TOX2: variants seen among roughly 807,000 people sequenced by gnomAD.
TOX2 encodes granulosa cell HMG box 1.
TOX2 carries 15 observed loss-of-function variants against 47.4 expected under a neutral mutation model. That is an observed-to-expected ratio of 0.32 (90% CI 0.21 to 0.49). TOX2 has a LOEUF of 0.49. TOX2 is among the 20% of genes least tolerant of loss of function. The pLI is 0.99. For synonymous variants in TOX2, 290 were observed against 296.6 expected, an observed-to-expected ratio of 0.98 and a Z score of 0.23; for missense variants, 622 against 673.1, an observed-to-expected ratio of 0.92 and a Z score of 0.84.
chr20:43,929,967 C>T (rs998396260), intron 1 of TOX2, among the ~76,000 whole-genome samples: 8 of 152,316 alleles, frequency 5.3e-5, no homozygotes, highest in South Asian at 2.1e-4. Flanking sequence ...CTCGGCCTCC[C>T]GAAGCGCTGG....
At chr20:43,952,674 TAGTGTCCTATGTGCCAGG>T (rs1250683210) in intron 1 of TOX2, among the ~76,000 whole-genome samples, 1 of 152,166 alleles carries the variant, frequency 6.6e-6, no homozygotes, top group African/African-American at 2.4e-5. Flanking sequence ...GCCTGAGGTG[TAGTGTCCTATGTGCCAGG>T]AAGGAGAGGA....
At chr20:43,980,384 G>A (rs1309451458) in intron 2 of TOX2, among the ~76,000 whole-genome samples, 3 of 152,158 alleles carry the variant, frequency 2.0e-5, no homozygotes, top group Non-Finnish European at 4.4e-5. Flanking sequence ...GAAGGGTAGT[G>A]GGGCAGAGGG....
At chr20:44,057,402 G>C (rs185707282) in intron 5 of TOX2, among the ~76,000 whole-genome samples, 2 of 152,274 alleles carry the variant, frequency 1.3e-5, no homozygotes, top group African/African-American at 4.8e-5. Flanking sequence ...GCTTGTGTCA[G>C]TTTTTGAAAT....
At chr20:43,994,906 T>C (rs528487061) in intron 2 of TOX2, among the ~76,000 whole-genome samples, 7 of 152,252 alleles carry the variant, frequency 4.6e-5, no homozygotes, top group African/African-American at 1.7e-4. Flanking sequence ...AGAGCAGCCG[T>C]GGCTGGCAGC....
Position 44,044,652 on chromosome 20 carries a change from A to C in TOX2, c.412-6654A>C, listed in dbSNP as rs545224728. On this transcript the variant is annotated intron_variant, in intron 3 of 8. Transcript: ENST00000341197. ...AGTGGCGTGGATGTGTAGAAACCGCAACCGGAACCCTTGTGTGTTGCTGGT... is the reference window on the plus strand; with the variant it reads ...AGTGGCGTGGATGTGTAGAAACCGCCACCGGAACCCTTGTGTGTTGCTGGT... 1.8e-4 allele frequency among the ~76,000 whole-genome samples: 27 copies of C among 152,328 alleles called. No individual in the cohort carries two copies. The South Asian group carries it at 5.0e-3, about 28-fold the overall frequency.
intron 1 of TOX2, chr20:43,955,397 C>A: frequency 1.4e-6 from 1 of 739,934 alleles, no homozygotes; most frequent in Non-Finnish European, 1.7e-6. Flanking sequence ...CAGCCAGTGT[C>A]TTCTTAGCCA....
intron 1 of TOX2, among the ~76,000 whole-genome samples, chr20:43,938,939 C>T (rs1214730466): frequency 6.6e-6 from 1 of 152,200 alleles, no homozygotes. Context: ...TTGTGCAGCT[C>T]TGGCAGGAGT....
chr20:43,923,218 G>A (rs540482640), intron 1 of TOX2, among the ~76,000 whole-genome samples: 1 of 152,180 alleles, frequency 6.6e-6, no homozygotes, highest in Non-Finnish European at 1.5e-5. Flanking sequence ...AGCCTGTGGG[G>A]CTTTAAGTAG....
chr20:44,053,433 G>GAGATATAT, intron 4 of TOX2, among the ~76,000 whole-genome samples: 1 of 98,162 alleles, frequency 1.0e-5, no homozygotes, highest in African/African-American at 3.2e-5. Flanking sequence ...TGGGAGGGCA[G>GAGATATAT]ATATATACAC....
rs965039406 is a variant in TOX2 at position 44,066,291 on chromosome 20, G to C, written c.1356+184G>C. ...TCGCACACCTTACCTGAGATGTGCTGGCTGCAGTGAACAGTTCACGAGTTG... is the reference window on the plus strand; with the variant it reads ...TCGCACACCTTACCTGAGATGTGCTCGCTGCAGTGAACAGTTCACGAGTTG... On this transcript the variant is annotated intron_variant, in intron 7 of 8. Transcript: ENST00000341197. 5.3e-5 allele frequency among the ~76,000 whole-genome samples: 8 copies of C among 152,154 alleles called. No homozygotes were observed. The South Asian group carries it at 1.2e-3, about 24-fold the overall frequency.
chr20:43,944,661 G>A (rs1447567292), intron 1 of TOX2, among the ~76,000 whole-genome samples: 2 of 152,228 alleles, frequency 1.3e-5, no homozygotes, highest in Non-Finnish European at 2.9e-5. Flanking sequence ...TGTTACAAGT[G>A]TTCAGGAATA....
chr20:44,051,811 G>A (rs1030304211), intron 4 of TOX2, among the ~76,000 whole-genome samples: 2 of 152,232 alleles, frequency 1.3e-5, no homozygotes, highest in Admixed American at 6.5e-5. Flanking sequence ...ACCTGGTCAG[G>A]GGGGATGGCA....
At chr20:43,934,082 TG>T (rs767262717) in intron 1 of TOX2, among the ~76,000 whole-genome samples, 3 of 96,220 alleles carry the variant, frequency 3.1e-5, no homozygotes, top group African/African-American at 8.1e-5. Context: ...AGGGTGGGGA[TG>T]GGGGGAGGGT....
Position 43,920,311 on chromosome 20 carries a change from T to C in TOX2, c.99+5321T>C, listed in dbSNP as rs79179330. 7.2e-3 allele frequency among the ~76,000 whole-genome samples: 1,104 copies of C among 152,336 alleles called. 13 individuals are homozygous for C. Among genetic ancestry groups the C allele is most frequent in the African/African-American group, 0.025 (1,053 of 41,586 alleles). On this transcript the variant is annotated intron_variant, in intron 1 of 8. Transcript: ENST00000341197. ...TTGGTTAATGAATGATTGAGGACTC[T>C]TTTTGACAAAAATTCATGAAGTGGG...
intron 3 of TOX2, among the ~76,000 whole-genome samples, chr20:44,010,238 G>A (rs2070757119): frequency 6.6e-6 from 1 of 152,190 alleles, no homozygotes; most frequent in South Asian, 2.1e-4. Flanking sequence ...TAATTACAAA[G>A]CATGTTATCT....
chr20:44,041,868 C>T (rs920073644), intron 3 of TOX2, among the ~76,000 whole-genome samples: 2 of 152,084 alleles, frequency 1.3e-5, no homozygotes, highest in Non-Finnish European at 2.9e-5. Context: ...GTACAAAATC[C>T]GTAGTTCTAA....
chr20:43,950,989 G>A (rs1285262441), intron 1 of TOX2, among the ~76,000 whole-genome samples: 1 of 151,872 alleles, frequency 6.6e-6, no homozygotes, highest in Non-Finnish European at 1.5e-5. Flanking sequence ...TGGGGTGAGG[G>A]GGGTTTGTTT....
chr20:43,996,720 T>C (rs1016455146), intron 2 of TOX2, among the ~76,000 whole-genome samples: 13 of 152,202 alleles, frequency 8.5e-5, no homozygotes, highest in South Asian at 2.1e-4. Context: ...TTTCCTGGTA[T>C]AATTCTCTCA....
intron 2 of TOX2, among the ~76,000 whole-genome samples, chr20:43,995,014 T>C (rs1162907787): frequency 1.3e-5 from 2 of 152,106 alleles, no homozygotes; most frequent in Non-Finnish European, 2.9e-5. Flanking sequence ...TGAGAAAAGA[T>C]ATTACATTCC....
Sources: gnomAD v4.1 joint callset for allele counts (sites outside exome capture counted in the v4.1 genomes callset) on GRCh38, gnomAD v4.1.1 for gene constraint, MANE v1.5 for transcripts, NCBI Gene and HGNC (gene_info 2026-07-23, HGNC 2026-07-21) for gene names.